Variants in RBFOX1 observed in about 807,000 individuals in gnomAD.
RBFOX1 encodes RNA binding fox-1 homolog 1.
A neutral mutation model predicts 57.7 loss-of-function variants in RBFOX1; 8 were observed. The observed-to-expected ratio is 0.14, with a 90% CI of 0.08 to 0.25. The LOEUF is 0.25. RBFOX1 is among the 10% of genes least tolerant of loss of function. The pLI is 1.00. For synonymous variants in RBFOX1, 326 were observed against 222.4 expected, an observed-to-expected ratio of 1.47 and a Z score of -4.15; for missense variants, 611 against 548.5, an observed-to-expected ratio of 1.11 and a Z score of -1.14.
At chr16:6,676,327 C>G (rs1221374008) in intron 3 of RBFOX1, among the ~76,000 whole-genome samples, 1 of 152,054 alleles carries the variant, frequency 6.6e-6, no homozygotes, top group Non-Finnish European at 1.5e-5. Context: ...ATCCTGCCTT[C>G]CAGTCAATTT....
chr16:7,146,256 G>C (rs2074957745), intron 4 of RBFOX1, among the ~76,000 whole-genome samples: 1 of 152,106 alleles, frequency 6.6e-6, no homozygotes. Flanking sequence ...CAGATGCCAC[G>C]TATTGAAATT....
chr16:5,330,690 C>A (rs1277156579), intron 1 of RBFOX1, among the ~76,000 whole-genome samples: 1 of 151,532 alleles, frequency 6.6e-6, no homozygotes. Context: ...CAGGTGTGAG[C>A]CAGTTTGCCC....
At chr16:6,426,245 G>A (rs1315924095) in intron 2 of RBFOX1, among the ~76,000 whole-genome samples, 1 of 151,736 alleles carries the variant, frequency 6.6e-6, no homozygotes, top group Non-Finnish European at 1.5e-5. Context: ...ACATAGAAAG[G>A]CAGGTTCAAA....
intron 1 of RBFOX1, among the ~76,000 whole-genome samples, chr16:6,119,453 A>G (rs2096532031): frequency 6.6e-6 from 1 of 152,174 alleles, no homozygotes; most frequent in African/African-American, 2.4e-5. Context: ...AAGTTTCTTC[A>G]TGGTAAGATT....
chr16:7,150,469 C>T (rs560738728), intron 4 of RBFOX1, among the ~76,000 whole-genome samples: 51 of 152,264 alleles, frequency 3.3e-4, no homozygotes, highest in African/African-American at 1.2e-3. Context: ...ACAACTTCCA[C>T]CATTATTACC....
chr16:7,411,902 CAAAAAAAAAA>C (rs60700135), intron 4 of RBFOX1, among the ~76,000 whole-genome samples: 6 of 95,410 alleles, frequency 6.3e-5, no homozygotes, highest in African/African-American at 8.5e-5. Flanking sequence ...AAACTCCTTT[CAAAAAAAAAA>C]AAAAAAAAAA....
intron 3 of RBFOX1, among the ~76,000 whole-genome samples, chr16:6,821,642 G>A (rs948456188): frequency 6.6e-5 from 10 of 152,168 alleles, no homozygotes; most frequent in African/African-American, 1.2e-4. Context: ...CGTACAACAC[G>A]TGGCCTTTTT....
intron 4 of RBFOX1, among the ~76,000 whole-genome samples, chr16:5,888,059 C>G (rs2057943893): frequency 6.6e-6 from 1 of 152,198 alleles, no homozygotes; most frequent in Non-Finnish European, 1.5e-5. Flanking sequence ...TGCAAGACTG[C>G]CCTCCTGCAA....
intron 3 of RBFOX1, among the ~76,000 whole-genome samples, chr16:6,786,595 G>C (rs1454247991): frequency 6.6e-6 from 1 of 152,154 alleles, no homozygotes; most frequent in African/African-American, 2.4e-5. Flanking sequence ...TAAGGACAAA[G>C]CTGGTTCCCC....
chr16:6,399,654 T>A (rs1386084326), intron 2 of RBFOX1, among the ~76,000 whole-genome samples: 1 of 152,224 alleles, frequency 6.6e-6, no homozygotes, highest in African/African-American at 2.4e-5. Context: ...AGTTCCAAAG[T>A]CACTTCCACA....
chr16:6,859,461 G>A (rs2058626129), intron 3 of RBFOX1, among the ~76,000 whole-genome samples: 1 of 151,896 alleles, frequency 6.6e-6, no homozygotes, highest in Non-Finnish European at 1.5e-5. Flanking sequence ...TTGATAAGCA[G>A]AAGAACAGTT....
At chr16:7,169,459 A>T (rs574637014) in intron 4 of RBFOX1, among the ~76,000 whole-genome samples, 88 of 152,330 alleles carry the variant, frequency 5.8e-4, no homozygotes, top group Non-Finnish European at 1.0e-3. Flanking sequence ...TGCTAGATTC[A>T]GTAGCACCTG....
At chr16:5,763,233 C>G (rs1243254272) in intron 3 of RBFOX1, among the ~76,000 whole-genome samples, 5 of 152,176 alleles carry the variant, frequency 3.3e-5, no homozygotes, top group African/African-American at 1.2e-4. Flanking sequence ...AATTGCAGAT[C>G]CACACTCGGA....
intron 2 of RBFOX1, among the ~76,000 whole-genome samples, chr16:6,318,803 A>G (rs917552387): frequency 2.6e-5 from 4 of 152,096 alleles, no homozygotes; most frequent in African/African-American, 7.2e-5. Flanking sequence ...GTGAGCAGAT[A>G]TAATTTTTTT....
chr16:5,323,571 G>A (rs76890425), intron 1 of RBFOX1, among the ~76,000 whole-genome samples: 3,564 of 152,356 alleles, frequency 0.023, 101 homozygotes, highest in East Asian at 0.13. Context: ...GCTAGCGTCA[G>A]ATTAATTAGA....
At chr16:6,002,639 C>T (rs955892968) in intron 4 of RBFOX1, among the ~76,000 whole-genome samples, 9 of 152,186 alleles carry the variant, frequency 5.9e-5, no homozygotes, top group African/African-American at 2.2e-4. Flanking sequence ...TCTTCTCCTA[C>T]CGTTCTGTGT....
At chr16:6,643,528 A>G (rs532457815) in intron 2 of RBFOX1, among the ~76,000 whole-genome samples, 1 of 152,328 alleles carries the variant, frequency 6.6e-6, no homozygotes, top group East Asian at 1.9e-4. Context: ...TACCAACATC[A>G]GAGTTACTCA....
chr16:5,709,919 A>G lies in RBFOX1; in HGVS notation c.318+110958A>G, dbSNP rs149236787. The stretch of plus-strand genomic sequence containing the variant: ...TTCACAACGGCCCCGTGAATTATGC[A>G]TTATTGCCCTTGGCTTCAGATGAGC... On this transcript the variant is annotated intron_variant, in intron 3 of 19. Coordinates refer to the RBFOX1 transcript ENST00000641259. Among the ~76,000 whole-genome samples, 889 of 125,312 alleles carry G rather than the reference A, an allele frequency of 7.1e-3. 10 individuals carry two copies. Among genetic ancestry groups the G allele is most frequent in the African/African-American group, 0.026 (808 of 31,010 alleles). 82.2% of individuals were successfully genotyped at this position (125,312 alleles called of 152,430 possible). A position where few individuals can be genotyped will look rare whatever the true frequency, so the allele number is the denominator to read the frequency against.
At chr16:6,892,132 C>T (rs952149730) in intron 3 of RBFOX1, among the ~76,000 whole-genome samples, 7 of 152,228 alleles carry the variant, frequency 4.6e-5, no homozygotes, top group East Asian at 3.9e-4. Context: ...CCCCAAACCC[C>T]CTGGTTGGTG....
Sources: gnomAD v4.1 joint callset for allele counts (sites outside exome capture counted in the v4.1 genomes callset) on GRCh38, gnomAD v4.1.1 for gene constraint, MANE v1.5 for transcripts, NCBI Gene and HGNC (gene_info 2026-07-23, HGNC 2026-07-21) for gene names.